The following SLC4A4 variants were observed in gnomAD, a reference collection of about 807,000 sequenced individuals.
SLC4A4 encodes solute carrier family 4 member 4, also known as electrogenic sodium bicarbonate cotransporter 1.
A neutral mutation model predicts 111.5 loss-of-function variants in SLC4A4; 27 were observed. The ratio of observed to expected loss-of-function variants is 0.24; its 90% CI spans 0.18 to 0.33. The LOEUF (loss-of-function observed/expected upper bound fraction) is 0.33. Among genes scored for constraint, SLC4A4 ranks in the 10% least tolerant of loss-of-function variants. The pLI is 1.00. For missense variants in SLC4A4, 909 were observed against 1,315.5 expected (o/e 0.69, Z 4.78); for synonymous variants, 443 against 463.4 (o/e 0.96, Z 0.57).
chr4:71,195,371 C>G (rs1745947880), intron 1 of SLC4A4, among the ~76,000 whole-genome samples: 1 of 151,096 alleles, frequency 6.6e-6, no homozygotes, highest in African/African-American at 2.4e-5. Flanking sequence ...AGTCAGTCTA[C>G]ATTTTATAAG....
At chr4:71,449,295 T>C (rs894222897) in intron 9 of SLC4A4, among the ~76,000 whole-genome samples, 1 of 152,196 alleles carries the variant, frequency 6.6e-6, no homozygotes, top group Non-Finnish European at 1.5e-5. Context: ...GTATCTCCCT[T>C]TTTAAACAGG....
chr4:71,435,231 A>G (rs1724015007), intron 7 of SLC4A4, among the ~76,000 whole-genome samples: 1 of 152,226 alleles, frequency 6.6e-6, no homozygotes, highest in Admixed American at 6.5e-5. Context: ...ATGAAACAGA[A>G]CAGAGGCCTC....
At chr4:71,181,703 T>C (rs1028118914) in intron 2 of SLC4A4, among the ~76,000 whole-genome samples, 3 of 152,352 alleles carry the variant, frequency 2.0e-5, no homozygotes, top group South Asian at 2.1e-4. Context: ...CCATGCCAGA[T>C]GCTATTTGTA....
rs73826285 is a variant in SLC4A4, at chr4:71,354,590, A to G, written c.551-2418A>G. Among the ~76,000 whole-genome samples the G allele has an allele frequency of 8.3e-3, 1,258 of 152,228 alleles. 17 individuals carry two copies. Among genetic ancestry groups the G allele is most frequent in the African/African-American group, 0.026 (1,066 of 41,530 alleles). On this transcript the variant is annotated intron_variant, in intron 5 of 25. Coordinates refer to ENST00000264485, the MANE Select transcript of SLC4A4 (RefSeq NM_001098484.3). Reference sequence around the variant, plus strand: ...TTTATTTATATATTTTTGGCCCTTTATATTTCTTTTAGGAATGTTTGTGAT... The same window carrying G: ...TTTATTTATATATTTTTGGCCCTTTGTATTTCTTTTAGGAATGTTTGTGAT...
In SLC4A4 at chr4:71,224,129, GCCGTT is replaced by G. The variant is rs145450579; in HGVS notation, c.-1-12444_-1-12440del. Among the ~76,000 whole-genome samples the G allele has an allele frequency of 6.2e-3, 939 of 152,040 alleles. 10 individuals carry two copies. The highest frequency in any genetic ancestry group is 0.021 in the African/African-American group (885 of 41,466). ...AGATACTGGAGAACTCACATCCATA[GCCGTT>G]CCCTAAGTCCCGTCTGGAGCCCGGG... On this transcript the variant is annotated intron_variant, in intron 1 of 25. Transcript: ENST00000264485.
chr4:71,272,910 T>C (rs569978662), intron 3 of SLC4A4, among the ~76,000 whole-genome samples: 25 of 152,316 alleles, frequency 1.6e-4, no homozygotes, highest in African/African-American at 6.0e-4. Flanking sequence ...GCCAAAATAA[T>C]AATTTTAGTT....
intron 2 of SLC4A4, among the ~76,000 whole-genome samples, chr4:71,180,622 G>C (rs1486577437): frequency 6.6e-6 from 1 of 152,234 alleles, no homozygotes; most frequent in Non-Finnish European, 1.5e-5. Flanking sequence ...CTGGCCATCA[G>C]AGAAATGCAA....
chr4:71,527,250 G>A (rs1481158706), intron 16 of SLC4A4, among the ~76,000 whole-genome samples: 1 of 152,086 alleles, frequency 6.6e-6, no homozygotes, highest in Non-Finnish European at 1.5e-5. Context: ...GGAAGCTAAT[G>A]TAGTAAACCA....
intron 2 of SLC4A4, among the ~76,000 whole-genome samples, chr4:71,179,807 C>A (rs1745227458): frequency 6.6e-6 from 1 of 152,174 alleles, no homozygotes; most frequent in South Asian, 2.1e-4. Flanking sequence ...ATGCCATCCC[C>A]ATCAAGCTAC....
At chr4:71,424,525 T>G (rs1722906624) in intron 7 of SLC4A4, among the ~76,000 whole-genome samples, 1 of 152,034 alleles carries the variant, frequency 6.6e-6, no homozygotes, top group African/African-American at 2.4e-5. Context: ...CATGCTGCTA[T>G]AAAGACACAT....
At chr4:71,425,820 A>T (rs1049289050) in intron 7 of SLC4A4, among the ~76,000 whole-genome samples, 2 of 152,078 alleles carry the variant, frequency 1.3e-5, no homozygotes, top group African/African-American at 4.8e-5. Context: ...GTTGAGATAA[A>T]GGGTTGTGGA....
chr4:71,119,457 C>T (rs777898513), intron 2 of SLC4A4, among the ~76,000 whole-genome samples: 5 of 152,010 alleles, frequency 3.3e-5, no homozygotes, highest in African/African-American at 7.3e-5. Context: ...TCATGGCTCA[C>T]GGCAGCCTCA....
At chr4:71,518,169 A>C (rs1039152103) in intron 16 of SLC4A4, among the ~76,000 whole-genome samples, 3 of 152,132 alleles carry the variant, frequency 2.0e-5, no homozygotes, top group African/African-American at 7.2e-5. Context: ...CCTGAAGCCA[A>C]AGTGACTGGT....
intron 2 of SLC4A4, among the ~76,000 whole-genome samples, chr4:71,247,459 A>G (rs781450321): frequency 2.0e-5 from 3 of 151,906 alleles, no homozygotes; most frequent in Non-Finnish European, 1.5e-5. Context: ...CCTTCATCCT[A>G]TTGCCCAGCC....
At chr4:71,517,211 T>A (rs1006024770) in intron 16 of SLC4A4, among the ~76,000 whole-genome samples, 4 of 152,124 alleles carry the variant, frequency 2.6e-5, no homozygotes, top group Non-Finnish European at 4.4e-5. Flanking sequence ...TTTTTCTTCT[T>A]GCTCTCCTAT....
chr4:71,120,427 T>C (rs1478485179), intron 2 of SLC4A4, among the ~76,000 whole-genome samples: 1 of 152,184 alleles, frequency 6.6e-6, no homozygotes, highest in Non-Finnish European at 1.5e-5. Flanking sequence ...GTGTGGGCCT[T>C]GCGCTTTGAT....
intron 2 of SLC4A4, among the ~76,000 whole-genome samples, chr4:71,125,911 A>G (rs1454355004): frequency 6.6e-6 from 1 of 152,212 alleles, no homozygotes; most frequent in African/African-American, 2.4e-5. Flanking sequence ...AGGAAATACT[A>G]CAAACACAGG....
At chr4:71,374,866 A>G (rs1348286366) in intron 6 of SLC4A4, among the ~76,000 whole-genome samples, 4 of 151,974 alleles carry the variant, frequency 2.6e-5, no homozygotes, top group Non-Finnish European at 5.9e-5. Context: ...TGTGTGATAT[A>G]TTTATAATCA....
intron 16 of SLC4A4, among the ~76,000 whole-genome samples, chr4:71,503,083 T>G (rs1275088089): frequency 6.6e-6 from 1 of 152,126 alleles, no homozygotes; most frequent in African/African-American, 2.4e-5. Flanking sequence ...TGACCTTCTT[T>G]GTCACTTTTT....
Sources: allele counts gnomAD v4.1 joint callset (sites outside exome capture counted in the v4.1 genomes callset), GRCh38; gene constraint gnomAD v4.1.1; transcripts MANE v1.5; gene names NCBI Gene and HGNC (gene_info 2026-07-23, HGNC 2026-07-21).